ACTR8: variants seen among roughly 807,000 people sequenced by gnomAD.
The protein encoded by ACTR8 is actin-related protein 8.
ACTR8 carries 70 observed loss-of-function variants against 84.3 expected under a neutral mutation model. That is an observed-to-expected ratio of 0.83 (90% CI 0.68 to 1.01). The LOEUF is 1.01. Among genes scored for constraint, ACTR8 ranks in the 50% least tolerant of loss-of-function variants. The pLI, the probability that ACTR8 is intolerant of heterozygous loss-of-function variation, is 0.00. For synonymous variants in ACTR8, 268 were observed against 275.2 expected, an observed-to-expected ratio of 0.97 and a Z score of 0.26; for missense variants, 672 against 775.4, an observed-to-expected ratio of 0.87 and a Z score of 1.58.
At chr3:53,880,133 G>A (rs750025064) in intron 1 of ACTR8, 24 bp from the exon 2 acceptor site, 3 of 1,599,274 alleles carry the variant, frequency 1.9e-6, no homozygotes, top group Non-Finnish European at 2.6e-6. Context: ...ACATAGATGT[G>A]TGACTTTGTA....
chr3:53,869,879 G>C, intron 12 of ACTR8, 103 bp downstream of exon 12: 1 of 1,390,324 alleles, frequency 7.2e-7, no homozygotes, highest in Non-Finnish European at 9.8e-7. Context: ...AAGCCCTCAA[G>C]AACTCCTCAG....
rs1336100668 is a variant in ACTR8, at chr3:53,877,132, T to C, written c.684+82A>G. The stretch of plus-strand genomic sequence containing the variant: ...CAAGAATGTTTCAAGAAGGACACTA[T>C]ATTACAAACAACTCGGTAACGTGTA... On this transcript the variant is annotated intron_variant, in intron 5 of 12. Transcript: ENST00000335754. 8.8e-6 allele frequency: 12 copies of C among 1,370,286 alleles called. No individual in the cohort carries two copies. The Admixed American group carries it at 1.9e-4, about 22-fold the overall frequency. 84.9% of individuals were successfully genotyped at this position (1,370,286 alleles called of 1,614,324 possible). A position where few individuals can be genotyped will look rare whatever the true frequency, so the allele number is the denominator to read the frequency against.
intron 1 of ACTR8, 90 bp from the exon 2 acceptor site, chr3:53,880,199 A>G: frequency 7.6e-7 from 1 of 1,317,292 alleles, no homozygotes; most frequent in South Asian, 1.4e-5. Context: ...TAAACTAAGA[A>G]GCTGACTCAA....
chr3:53,873,167 AT>A (rs1193909741), intron 8 of ACTR8, 40 bp from the exon 9 acceptor site: 2 of 1,505,354 alleles, frequency 1.3e-6, no homozygotes, highest in Non-Finnish European at 9.2e-7. Flanking sequence ...ATCAGTAAGA[AT>A]GCATGTAAAC....
intron 8 of ACTR8, 94 bp downstream of exon 8, chr3:53,874,117 C>T (rs1421130244): frequency 2.2e-6 from 3 of 1,371,816 alleles, no homozygotes; most frequent in South Asian, 1.4e-5. Flanking sequence ...AGCCACCGTG[C>T]CCAGCCAATG....
At chr3:53,880,244 A>G in intron 1 of ACTR8, 135 bp from the exon 2 acceptor site, 1 of 912,756 alleles carries the variant, frequency 1.1e-6, no homozygotes, top group Non-Finnish European at 1.6e-6. Flanking sequence ...TTCTTTGAGA[A>G]GTATCCAATT....
At chr3:53,873,425 ATTT>A (rs1187414612) in intron 8 of ACTR8, among the ~76,000 whole-genome samples, 2 of 152,238 alleles carry the variant, frequency 1.3e-5, no homozygotes, top group African/African-American at 4.8e-5. Flanking sequence ...AATTTACAGT[ATTT>A]TTGTTTCCCC....
downstream of ACTR8, chr3:53,865,665 T>G (rs1479452743): frequency 5.9e-6 from 1 of 170,324 alleles, no homozygotes; most frequent in Non-Finnish European, 1.2e-5. Context: ...TATGTTTAAT[T>G]AATGAATACT....
At chr3:53,861,028 G>A in the ACTR8 span, 4 of 152,228 alleles carry the variant, frequency 2.6e-5, no homozygotes, top group South Asian at 8.3e-4. Flanking sequence ...TAATTTCCTA[G>A]CCACCTCCTG....
rs1699996424 is a variant in ACTR8 at position 53,877,637 on chromosome 3, A to T, written c.510+10T>A. 6.2e-7 allele frequency: 1 copy of T among 1,606,396 alleles called. No homozygotes were observed. The highest frequency in any genetic ancestry group is 8.5e-7 in the Non-Finnish European group (1 of 1,174,200). On this transcript the variant is annotated intron_variant, in intron 4 of 12. Coordinates refer to ENST00000335754, the MANE Select transcript of ACTR8 (RefSeq NM_022899.5). ...CCCTTCTTTCATTCTATTGTAAAGA[A>T]GTTTCTTACCTCTTCTCCTACTAAA... is the stretch of plus-strand genomic sequence containing the variant.
downstream of ACTR8, among the ~76,000 whole-genome samples, chr3:53,863,515 G>A (rs991998245): frequency 6.6e-5 from 10 of 152,200 alleles, no homozygotes; most frequent in Non-Finnish European, 1.0e-4. Context: ...GAAAGCCACA[G>A]GGGCACCTGG....
intron 6 of ACTR8, 147 bp downstream of exon 6, chr3:53,876,473 A>T: frequency 1.7e-6 from 1 of 591,136 alleles, no homozygotes; most frequent in South Asian, 1.9e-5. Flanking sequence ...GAGCTGAGAT[A>T]GCGCCACTGC....
At chr3:53,864,958 A>G (rs1240031138), downstream of ACTR8, 25 of 1,614,060 alleles carry the variant, frequency 1.5e-5, no homozygotes, top group Non-Finnish European at 1.9e-5. Context: ...CACTCAAAAG[A>G]AGGCAGCAGA....
At chr3:53,876,981 G>T (rs1699983878) in intron 5 of ACTR8, among the ~76,000 whole-genome samples, 1 of 151,542 alleles carries the variant, frequency 6.6e-6, no homozygotes, top group African/African-American at 2.4e-5. Context: ...AGACAAAAAT[G>T]AGCAAGCTTG....
chr3:53,866,192 C>T (rs962502141), downstream of ACTR8, among the ~76,000 whole-genome samples: 55 of 152,154 alleles, frequency 3.6e-4, 3 homozygotes, highest in Admixed American at 3.2e-3. Context: ...GACCAGGCTA[C>T]GTCACAAAGC....
chr3:53,868,051 T>C lies in ACTR8; in HGVS notation c.*668A>G, dbSNP rs1348186146. On this transcript the variant is annotated 3_prime_UTR_variant, in exon 13 of 13. Coordinates refer to ENST00000335754, the MANE Select transcript of ACTR8 (RefSeq NM_022899.5). ...TGTTCTGTTTTGGCCAAATAAAAAT[T>C]GTTTTCTTTCTTCCTCTAAGCTCAC... The C allele has an allele frequency of 1.3e-5, 2 of 152,180 alleles. No individual in the cohort carries two copies. Among genetic ancestry groups the C allele is most frequent in the Non-Finnish European group, 2.9e-5 (2 of 68,038 alleles). 9.4% of individuals were successfully genotyped at this position (152,180 alleles called of 1,614,324 possible).
chr3:53,873,269 G>A (rs530943958), intron 8 of ACTR8, 142 bp from the exon 9 acceptor site: 262 of 478,148 alleles, frequency 5.5e-4, no homozygotes, highest in South Asian at 1.2e-3. Context: ...CTATAATTTA[G>A]TAAAATAGGA....
At chr3:53,861,729 T>C in the ACTR8 span, among the ~76,000 whole-genome samples, 1 of 152,206 alleles carries the variant, frequency 6.6e-6, no homozygotes, top group African/African-American at 2.4e-5. Flanking sequence ...GAGAAGCAGC[T>C]TCTGCTGACC....
downstream of ACTR8, among the ~76,000 whole-genome samples, chr3:53,863,857 C>T (rs66583280): frequency 0.038 from 5,572 of 146,362 alleles, 142 homozygotes; most frequent in South Asian, 0.07. Flanking sequence ...GGGTCTCACT[C>T]TGTTGCCCAG....
Sources: allele counts gnomAD v4.1 joint callset (sites outside exome capture counted in the v4.1 genomes callset), GRCh38; gene constraint gnomAD v4.1.1; transcripts MANE v1.5; gene names NCBI Gene and HGNC (gene_info 2026-07-23, HGNC 2026-07-21).